The following CDKN1A variants were observed in gnomAD, a reference collection of about 807,000 sequenced individuals.
CDKN1A encodes cyclin-dependent kinase inhibitor 1.
Under a neutral mutation model 14.8 loss-of-function variants are expected in CDKN1A, and 14 were observed. The observed-to-expected ratio is 0.94, with a 90% CI of 0.62 to 1.48. The LOEUF is 1.48. Ranked by LOEUF, CDKN1A falls within the 40% of genes most tolerant of loss-of-function variation. The pLI is 0.00. For missense variants in CDKN1A, 203 were observed against 231.7 expected (o/e 0.88, Z 0.80); for synonymous variants, 92 against 93.5 (o/e 0.98, Z 0.09).
rs187742871 is a variant in CDKN1A, at chr6:36,685,936, C to G, written c.*136C>G. The G allele has an allele frequency of 1.9e-5, 16 of 856,408 alleles. No individual in the cohort carries two copies. In the African/African-American group the frequency reaches 2.7e-4, roughly 14 times the overall value. 53.1% of individuals were successfully genotyped at this position (856,408 alleles called of 1,614,324 possible). On this transcript the variant is annotated 3_prime_UTR_variant, in exon 3 of 3. Coordinates refer to ENST00000244741, the MANE Select transcript of CDKN1A (RefSeq NM_000389.5). ...TTTAAACACCTCCTCATGTACATAC[C>G]CTGGCCGCCCCCTGCCCCCCAGCCT...
chr6:36,681,785 G>A (rs1311568536), intron 1 of CDKN1A, among the ~76,000 whole-genome samples: 5 of 149,418 alleles, frequency 3.3e-5, no homozygotes, highest in South Asian at 2.1e-4. Context: ...TAGTAGAGAC[G>A]GGGTTTCACC....
In CDKN1A at chr6:36,684,449, T is replaced by C; in HGVS notation, c.348T>C (p.Ser116=). 6.2e-7 allele frequency: 1 copy of C among 1,614,134 alleles called. No homozygotes were observed. Among genetic ancestry groups the C allele is most frequent in the Non-Finnish European group, 8.5e-7 (1 of 1,180,014 alleles). Residue 116 remains serine (S), a synonymous_variant, in exon 2 of 3, where the codon TCT becomes TCC. Transcript: ENST00000244741. The surrounding 1 kb of genome is among the most constrained non-coding windows in gnomAD (Gnocchi z 6.0). ...AAGACCATGTGGACCTGTCACTGTC[T>C]TGTACCCTTGTGCCTCGCTCAGGGG... ...AEEDHVDLSL[S]CTLVPRSGEQ...
rs974832399 is a variant in CDKN1A at position 36,684,892 on chromosome 6, T to TA, written c.445+347dup. Among the ~76,000 whole-genome samples, 2 of 152,222 alleles carry TA rather than the reference T, an allele frequency of 1.3e-5. No homozygotes were observed. Among genetic ancestry groups the TA allele is most frequent in the African/African-American group, 4.8e-5 (2 of 41,462 alleles). ...TGTTGGCCAGACTGGAGTGCAGTGA[T>TA]ACGATCATGGCTCACTGCAGCTTCA... On this transcript the variant is annotated intron_variant, in intron 2 of 2. Coordinates refer to ENST00000244741, the MANE Select transcript of CDKN1A (RefSeq NM_000389.5). This position sits in a 1 kb window ranked among gnomAD's most constrained non-coding sequence, Gnocchi z 6.0.
In CDKN1A at chr6:36,684,474, G is replaced by A. The variant is rs1230011774; in HGVS notation, c.373G>A (p.Glu125Lys). ...LSCTLVPRSG[E>K]QAEGSPGGPG... Reference sequence around the variant, plus strand: ...TTGTACCCTTGTGCCTCGCTCAGGGGAGCAGGCTGAAGGGTCCCCAGGTGG... The same window carrying A: ...TTGTACCCTTGTGCCTCGCTCAGGGAAGCAGGCTGAAGGGTCCCCAGGTGG... The change falls in exon 2 of 3, where the codon GAG (glutamate) becomes AAG (lysine). Residue 125 changes from glutamate to lysine, a missense_variant. Glu to Lys is a moderately conservative substitution (Grantham distance 56). Transcript: ENST00000244741. This position sits in a 1 kb window ranked among gnomAD's most constrained non-coding sequence, Gnocchi z 6.0. The A allele has an allele frequency of 6.2e-7, 1 of 1,614,114 alleles. No homozygotes were observed. Among genetic ancestry groups the A allele is most frequent in the African/African-American group, 1.3e-5 (1 of 74,952 alleles).
chr6:36,684,014 G>A lies in CDKN1A; in HGVS notation c.-5-83G>A. 1.5e-6 allele frequency: 2 copies of A among 1,314,508 alleles called. No homozygotes were observed. The highest frequency in any genetic ancestry group is 1.1e-6 in the Non-Finnish European group (1 of 934,338). 81.4% of individuals were successfully genotyped at this position (1,314,508 alleles called of 1,614,324 possible). Reference sequence around the variant, plus strand: ...ACCCTCTGGTAGGAAGACGTCACCTGAGGTGACACAGCAAAGCCCGGCCAG... The same window carrying A: ...ACCCTCTGGTAGGAAGACGTCACCTAAGGTGACACAGCAAAGCCCGGCCAG... On this transcript the variant is annotated intron_variant, in intron 1 of 2. Coordinates refer to ENST00000244741, the MANE Select transcript of CDKN1A (RefSeq NM_000389.5). This position sits in a 1 kb window ranked among gnomAD's most constrained non-coding sequence, Gnocchi z 6.0.
chr6:36,685,936 C>T lies in CDKN1A; in HGVS notation c.*136C>T, dbSNP rs187742871. ...TTTAAACACCTCCTCATGTACATACCCTGGCCGCCCCCTGCCCCCCAGCCT... is the reference window on the plus strand; with the variant it reads ...TTTAAACACCTCCTCATGTACATACTCTGGCCGCCCCCTGCCCCCCAGCCT... On this transcript the variant is annotated 3_prime_UTR_variant, in exon 3 of 3. Coordinates refer to ENST00000244741, the MANE Select transcript of CDKN1A (RefSeq NM_000389.5). 4.7e-6 allele frequency: 4 copies of T among 856,406 alleles called. No homozygotes were observed. In the African/African-American group the frequency reaches 6.7e-5, roughly 14 times the overall value. The allele number at this position is 856,406 out of a possible 1,614,324, so 53.1% of individuals were successfully genotyped here.
chr6:36,677,780 T>A (rs1356536571), upstream of CDKN1A: 8 of 857,614 alleles, frequency 9.3e-6, no homozygotes. Flanking sequence ...CTGCATGATC[T>A]GAGTTAGGTC....
upstream of CDKN1A, chr6:36,677,953 A>T (rs1360983719): frequency 8.2e-7 from 1 of 1,213,648 alleles, no homozygotes. Context: ...GGGTGTAGGG[A>T]GATTGGTTCA....
At chr6:36,685,470 C>G (rs549640337) in intron 2 of CDKN1A, among the ~76,000 whole-genome samples, 46 of 152,206 alleles carry the variant, frequency 3.0e-4, no homozygotes, top group Non-Finnish European at 6.5e-4. Flanking sequence ...AACAAGCACA[C>G]AGAGCTAGTA....
Position 36,686,464 on chromosome 6 carries a change from C to T in CDKN1A, c.*664C>T, listed in dbSNP as rs370572240. 1 of 238,186 alleles carries T rather than the reference C, an allele frequency of 4.2e-6. No individual in the cohort carries two copies. The highest frequency in any genetic ancestry group is 1.3e-3 in the Middle Eastern group (1 of 788). 14.8% of individuals were successfully genotyped at this position (238,186 alleles called of 1,614,324 possible). A position where few individuals can be genotyped will look rare whatever the true frequency, so the allele number is the denominator to read the frequency against. ...GAAGGTGGGGTCCTGGAGCAGACCA[C>T]CCCGCCTGCCCTCATGGCCCCTCTG... On this transcript the variant is annotated 3_prime_UTR_variant, in exon 3 of 3. Transcript: ENST00000244741. This position sits in a 1 kb window ranked among gnomAD's most constrained non-coding sequence, Gnocchi z 4.9.
rs4135242 is a variant in CDKN1A, at chr6:36,683,634, T to C, written c.-5-463T>C. ...ACTTGGGGATCTGGGTCGGGGGACT[T>C]AGGAGGCTGGAGGAACTGTCAGACT... On this transcript the variant is annotated intron_variant, in intron 1 of 2. Coordinates refer to ENST00000244741, the MANE Select transcript of CDKN1A (RefSeq NM_000389.5). 1.8e-4 allele frequency among the ~76,000 whole-genome samples: 27 copies of C among 152,268 alleles called. No individual in the cohort carries two copies. The East Asian group carries it at 4.8e-3, about 27-fold the overall frequency.
intron 1 of CDKN1A, among the ~76,000 whole-genome samples, chr6:36,683,188 G>GT (rs1368984740): frequency 1.3e-5 from 2 of 152,344 alleles, no homozygotes; most frequent in Non-Finnish European, 2.9e-5. Flanking sequence ...CATTAACTCA[G>GT]TTAATTCTCA....
chr6:36,683,656 G>A (rs1205209282), intron 1 of CDKN1A, among the ~76,000 whole-genome samples: 3 of 152,206 alleles, frequency 2.0e-5, no homozygotes, highest in Non-Finnish European at 1.5e-5. Flanking sequence ...GGAACTGTCA[G>A]ACTGTTTCTT....
chr6:36,680,303 C>T (rs531105241), intron 1 of CDKN1A, among the ~76,000 whole-genome samples: 1 of 93,716 alleles, frequency 1.1e-5, no homozygotes, highest in Non-Finnish European at 2.4e-5. Flanking sequence ...CGTGTCTGCG[C>T]GGGCGTGTGT....
In CDKN1A at chr6:36,686,631, C is replaced by A; in HGVS notation, c.*831C>A. ...CTGCTGTCCCTCCCCCTTGTCCTTT[C>A]CCTTCAGTACCCTCTCAGCTCCAGG... On this transcript the variant is annotated 3_prime_UTR_variant, in exon 3 of 3. Coordinates refer to ENST00000244741, the MANE Select transcript of CDKN1A (RefSeq NM_000389.5). This position sits in a 1 kb window ranked among gnomAD's most constrained non-coding sequence, Gnocchi z 4.9. 4.3e-6 allele frequency: 1 copy of A among 233,986 alleles called. No homozygotes were observed. Among genetic ancestry groups the A allele is most frequent in the Non-Finnish European group, 8.5e-6 (1 of 118,220 alleles). 14.5% of individuals were successfully genotyped at this position (233,986 alleles called of 1,614,324 possible).
intron 1 of CDKN1A, among the ~76,000 whole-genome samples, chr6:36,681,334 T>TTCTTTCTTTCTTTCTTTCTTTCTTTTTC (rs780161958): frequency 1.2e-4 from 10 of 86,044 alleles, no homozygotes; most frequent in African/African-American, 3.9e-4. Context: ...CTTTCTTTCT[T>TTCTTTCTTTCTTTCTTTCTTTCTTTTTC]TTTCTTTCTT....
At chr6:36,681,334 T>TTTTCTTTTTC in intron 1 of CDKN1A, among the ~76,000 whole-genome samples, 2 of 86,136 alleles carry the variant, frequency 2.3e-5, no homozygotes, top group South Asian at 8.7e-4. Flanking sequence ...CTTTCTTTCT[T>TTTTCTTTTTC]TTTCTTTCTT....
chr6:36,684,175 T>C lies in CDKN1A; in HGVS notation c.74T>C (p.Val25Ala), dbSNP rs765248879. 6.2e-7 allele frequency: 1 copy of C among 1,612,230 alleles called. No individual in the cohort carries two copies. ...GCCTGCCGCCGCCTCTTCGGCCCAG[T>C]GGACAGCGAGCAGCTGAGCCGCGAC... ...SKACRRLFGP[V>A]DSEQLSRDCD... The change falls in exon 2 of 3, where the codon GTG becomes GCG. Residue 25 changes from valine (V) to alanine (A), a missense_variant. Val to Ala is a moderately conservative substitution (Grantham distance 64, BLOSUM62 0). Transcript: ENST00000244741. This position sits in a 1 kb window ranked among gnomAD's most constrained non-coding sequence, Gnocchi z 6.0.
chr6:36,679,659 G>C (rs1196534359), intron 1 of CDKN1A, among the ~76,000 whole-genome samples: 2 of 152,242 alleles, frequency 1.3e-5, no homozygotes, highest in Non-Finnish European at 2.9e-5. Flanking sequence ...GCGGCGCGCT[G>C]TAGGGGTCGG....
Sources: gnomAD v4.1 joint callset for allele counts (sites outside exome capture counted in the v4.1 genomes callset) on GRCh38, gnomAD v4.1.1 for gene constraint, Gnocchi (gnomAD v3.1) non-coding constraint, MANE v1.5 for transcripts, NCBI Gene and HGNC (gene_info 2026-07-23, HGNC 2026-07-21) for gene names.